ZNF729: variants seen among roughly 807,000 people sequenced by gnomAD.
ZNF729 encodes zinc finger protein 729.
Under a neutral mutation model 12.2 loss-of-function variants are expected in ZNF729, and 15 were observed. That is an observed-to-expected ratio of 1.23 (90% CI 0.82 to 1.89). ZNF729 has a LOEUF of 1.89. Among genes scored for constraint, ZNF729 ranks in the 40% most tolerant of loss-of-function variants. ZNF729 has a pLI of 0.00. For missense variants in ZNF729, 1,540 were observed against 1,456.7 expected (o/e 1.06, Z -0.93); for synonymous variants, 492 against 476.3 (o/e 1.03, Z -0.43).
At position 22,294,181 on chromosome 19, in the gene ZNF729, A is replaced by T. The variant is rs558075383; in HGVS notation, c.30+7626A>T. 3.3e-5 allele frequency among the ~76,000 whole-genome samples: 5 copies of T among 152,352 alleles called. No homozygotes were observed. In the East Asian group the frequency reaches 9.6e-4, roughly 29 times the overall value. On this transcript the variant is annotated intron_variant, in intron 1 of 3. Coordinates refer to ENST00000601693, the MANE Select transcript of ZNF729 (RefSeq NM_001242680.2). ...GGAAGGGGTCCAGTTTCAATTTTCTACACAGTGCTAGGTGTTTATCCCAGC... is the reference window on the plus strand; with the variant it reads ...GGAAGGGGTCCAGTTTCAATTTTCTTCACAGTGCTAGGTGTTTATCCCAGC...
chr19:22,287,989 G>T (rs2145037637), intron 1 of ZNF729, among the ~76,000 whole-genome samples: 1 of 151,936 alleles, frequency 6.6e-6, no homozygotes, highest in South Asian at 2.1e-4. Flanking sequence ...GGGACTACAG[G>T]CATGTGCCAC....
chr19:22,295,868 A>G (rs888548646), intron 1 of ZNF729, among the ~76,000 whole-genome samples: 8 of 152,174 alleles, frequency 5.3e-5, no homozygotes, highest in African/African-American at 1.7e-4. Context: ...CTTTTTCTGC[A>G]TCTATTGAGA....
chr19:22,292,196 A>G (rs577467288), intron 1 of ZNF729, among the ~76,000 whole-genome samples: 1 of 152,236 alleles, frequency 6.6e-6, no homozygotes, highest in East Asian at 1.9e-4. Context: ...TTTGTCCTCC[A>G]TCCTCCACCC....
chr19:22,303,172 G>C (rs1268380786), intron 1 of ZNF729, among the ~76,000 whole-genome samples: 1 of 149,976 alleles, frequency 6.7e-6, no homozygotes, highest in Admixed American at 6.7e-5. Context: ...ATCTATCTTT[G>C]GAAAATGAAG....
At chr19:22,298,021 A>AAAC (rs111580975) in intron 1 of ZNF729, among the ~76,000 whole-genome samples, 1 of 149,596 alleles carries the variant, frequency 6.7e-6, no homozygotes, top group African/African-American at 2.5e-5. Context: ...AAAAAAAAAA[A>AAAC]AAAAAACACA....
At chr19:22,312,702 T>G (rs1463232001) in intron 3 of ZNF729, among the ~76,000 whole-genome samples, 1 of 152,074 alleles carries the variant, frequency 6.6e-6, no homozygotes, top group Admixed American at 6.6e-5. Context: ...ATATATGTGC[T>G]ACTGGTTTTT....
chr19:22,304,128 T>A (rs960051046), intron 2 of ZNF729, among the ~76,000 whole-genome samples: 11 of 145,632 alleles, frequency 7.6e-5, no homozygotes, highest in African/African-American at 2.8e-4. Context: ...AACCTCCACC[T>A]CCCAGGTTCA....
intron 1 of ZNF729, among the ~76,000 whole-genome samples, chr19:22,287,109 G>A (rs543063509): frequency 7.2e-5 from 11 of 152,046 alleles, no homozygotes; most frequent in Non-Finnish European, 1.6e-4. Context: ...TCAGTAATTG[G>A]TTATGTACAG....
chr19:22,290,552 ATG>A (rs1470254971), intron 1 of ZNF729, among the ~76,000 whole-genome samples: 3 of 152,150 alleles, frequency 2.0e-5, no homozygotes, highest in African/African-American at 7.2e-5. Flanking sequence ...GGGTGAAAGA[ATG>A]AGATTTTAGA....
intron 1 of ZNF729, among the ~76,000 whole-genome samples, chr19:22,296,358 A>G (rs1968229949): frequency 6.6e-6 from 1 of 152,114 alleles, no homozygotes; most frequent in African/African-American, 2.4e-5. Flanking sequence ...TCTTTGGAGA[A>G]TGTATTTGTC....
intron 1 of ZNF729, 40 bp from the exon 2 acceptor site, chr19:22,303,718 A>T: frequency 6.7e-7 from 1 of 1,493,438 alleles, no homozygotes; most frequent in Non-Finnish European, 9.0e-7. Context: ...GCCCATGGCC[A>T]CTTGGGAAAT....
At chr19:22,297,898 G>A (rs187020090) in intron 1 of ZNF729, among the ~76,000 whole-genome samples, 8 of 151,268 alleles carry the variant, frequency 5.3e-5, no homozygotes, top group Middle Eastern at 3.4e-3. Context: ...TCAGCTACTC[G>A]GGAGGCTGAG....
Position 22,313,667 on chromosome 19 carries a change from C to G in ZNF729, c.254-4C>G, listed in dbSNP as rs1278777811. 1 of 1,449,060 alleles carries G rather than the reference C, an allele frequency of 6.9e-7. No individual in the cohort carries two copies. Among genetic ancestry groups the G allele is most frequent in the Non-Finnish European group, 9.0e-7 (1 of 1,105,528 alleles). 89.8% of individuals were successfully genotyped at this position (1,449,060 alleles called of 1,614,324 possible). The stretch of plus-strand genomic sequence containing the variant: ...GAATAATTTGTTATTTTTATTTCTT[C>G]TAGTTATGCGTTCTCATTTTACACA... On this transcript the variant is annotated splice_polypyrimidine_tract_variant and splice_region_variant and intron_variant, in intron 3 of 3. Transcript: ENST00000601693.
chr19:22,303,976 T>C (rs1968348123), intron 2 of ZNF729, 92 bp downstream of exon 2: 2 of 1,285,676 alleles, frequency 1.6e-6, no homozygotes, highest in South Asian at 1.4e-5. Flanking sequence ...TTATGCTTAC[T>C]ATAAATGAGT....
chr19:22,289,129 T>C (rs1424666848), intron 1 of ZNF729, among the ~76,000 whole-genome samples: 2 of 151,908 alleles, frequency 1.3e-5, no homozygotes, highest in African/African-American at 4.8e-5. Flanking sequence ...ATTTTGTTAG[T>C]AGGGATTGAA....
chr19:22,291,501 A>G (rs1377056280), intron 1 of ZNF729, among the ~76,000 whole-genome samples: 1 of 135,854 alleles, frequency 7.4e-6, no homozygotes, highest in Non-Finnish European at 1.6e-5. Flanking sequence ...AAAAACTCAC[A>G]AAAGTGTCTA....
intron 1 of ZNF729, among the ~76,000 whole-genome samples, chr19:22,293,828 T>G (rs1376499434): frequency 6.6e-6 from 1 of 152,198 alleles, no homozygotes; most frequent in Non-Finnish European, 1.5e-5. Context: ...GTCGTTTGTT[T>G]GTTTCTTGTA....
rs780438494 is a variant in ZNF729, at chr19:22,304,803, A to G, written c.253+20A>G. ...CCCCAGGTATGTGAGAGTGAATACA[A>G]CAGACAACACAGATAAGAGGTCCAG... On this transcript the variant is annotated intron_variant, in intron 3 of 3. Transcript: ENST00000601693. 1.2e-6 allele frequency: 2 copies of G among 1,608,512 alleles called. No individual in the cohort carries two copies. Among genetic ancestry groups the G allele is most frequent in the South Asian group, 2.2e-5 (2 of 90,146 alleles).
chr19:22,314,412 T>A lies in ZNF729; in HGVS notation c.995T>A (p.Phe332Tyr). 6.3e-7 allele frequency: 1 copy of A among 1,583,100 alleles called. No individual in the cohort carries two copies. Among genetic ancestry groups the A allele is most frequent in the Non-Finnish European group, 8.6e-7 (1 of 1,163,022 alleles). Reference protein sequence around the residue: ...CEDCGKTFNHFSALRKHKIIH... With the variant: ...CEDCGKTFNHYSALRKHKIIH... ...GATTGTGGCAAAACTTTTAACCATT[T>A]CTCAGCCCTTAGAAAACATAAGATA... Residue 332 changes from phenylalanine (F) to tyrosine (Y), a missense_variant, in exon 4 of 4, where the codon TTC becomes TAC. Coordinates refer to ENST00000601693, the MANE Select transcript of ZNF729 (RefSeq NM_001242680.2).
Sources: gnomAD v4.1 joint callset for allele counts (sites outside exome capture counted in the v4.1 genomes callset) on GRCh38, gnomAD v4.1.1 for gene constraint, MANE v1.5 for transcripts, NCBI Gene and HGNC (gene_info 2026-07-23, HGNC 2026-07-21) for gene names.